The following PCLO variants were observed in gnomAD, a reference collection of about 807,000 sequenced individuals.
PCLO encodes the protein piccolo presynaptic cytomatrix protein.
Under a neutral mutation model 427.5 loss-of-function variants are expected in PCLO, and 82 were observed. That is an observed-to-expected ratio of 0.19 (90% CI 0.16 to 0.23). The LOEUF (loss-of-function observed/expected upper bound fraction) is 0.23, where lower values mean the gene tolerates loss of function less well. Among genes scored for constraint, PCLO ranks in the 10% least tolerant of loss-of-function variants. The probability of loss-of-function intolerance (pLI) is 1.00; values close to 1 mark genes in which losing one functional copy is unlikely to be tolerated. For synonymous variants in PCLO, 2,357 were observed against 2,155.4 expected (o/e 1.09, Z -2.59); for missense variants, 6,239 against 6,115.9 (o/e 1.02, Z -0.67).
chr7:83,096,695 A>G (rs1399762052), intron 3 of PCLO, among the ~76,000 whole-genome samples: 2 of 140,016 alleles, frequency 1.4e-5, no homozygotes, highest in African/African-American at 5.3e-5. Flanking sequence ...CAAATAAAGT[A>G]AACCAGCAAG....
Position 82,898,256 on chromosome 7 carries a change from C to T in PCLO, c.13528+4395G>A, listed in dbSNP as rs543707288. Among the ~76,000 whole-genome samples, 5 of 151,548 alleles carry T rather than the reference C, an allele frequency of 3.3e-5. No homozygotes were observed. In the East Asian group the frequency reaches 9.7e-4, roughly 29 times the overall value. ...AAAGGCAAATTCTGCCCTTGCATTA[C>T]TATTAAAATAGTCTTGGCTTTGTGG... On this transcript the variant is annotated intron_variant, in intron 9 of 24. Transcript: ENST00000333891.
At chr7:83,045,666 T>C (rs1249514420) in intron 3 of PCLO, among the ~76,000 whole-genome samples, 1 of 152,120 alleles carries the variant, frequency 6.6e-6, no homozygotes. Context: ...TATTGTTTAA[T>C]AATTTTTCCT....
intron 22 of PCLO, among the ~76,000 whole-genome samples, chr7:82,792,033 G>A (rs1159614390): frequency 6.6e-6 from 1 of 151,796 alleles, no homozygotes. Flanking sequence ...TTTTCCTCCA[G>A]AGATTTTGTA....
At chr7:83,133,168 A>T (rs938401803) in intron 3 of PCLO, among the ~76,000 whole-genome samples, 10 of 152,148 alleles carry the variant, frequency 6.6e-5, no homozygotes, top group Non-Finnish European at 1.3e-4. Context: ...TTTATTTTTT[A>T]AAAAAATATT....
At chr7:82,808,068 T>C (rs1791492047) in intron 20 of PCLO, among the ~76,000 whole-genome samples, 1 of 151,952 alleles carries the variant, frequency 6.6e-6, no homozygotes, top group South Asian at 2.1e-4. Flanking sequence ...ATAACCTACA[T>C]AATGAGTCAG....
At chr7:82,866,340 T>C (rs1793092067) in intron 10 of PCLO, among the ~76,000 whole-genome samples, 1 of 152,096 alleles carries the variant, frequency 6.6e-6, no homozygotes, top group Admixed American at 6.6e-5. Context: ...ACTTAATATA[T>C]TATATGAGAT....
chr7:83,012,724 A>G (rs1436655214), intron 3 of PCLO, among the ~76,000 whole-genome samples: 1 of 152,026 alleles, frequency 6.6e-6, no homozygotes, highest in Non-Finnish European at 1.5e-5. Context: ...TAAACAAAAC[A>G]GAACACCTTG....
chr7:82,911,077 T>C (rs1370969275), intron 7 of PCLO, among the ~76,000 whole-genome samples: 1 of 152,126 alleles, frequency 6.6e-6, no homozygotes, highest in Non-Finnish European at 1.5e-5. Flanking sequence ...GAAATGTGTG[T>C]TTTGTTTGGC....
intron 3 of PCLO, among the ~76,000 whole-genome samples, chr7:83,069,679 A>AC (rs1789757320): frequency 6.6e-6 from 1 of 152,036 alleles, no homozygotes; most frequent in South Asian, 2.1e-4. Flanking sequence ...AGGACATAGT[A>AC]AGTTTTTAAT....
chr7:83,026,551 C>G (rs1242424894), intron 3 of PCLO, among the ~76,000 whole-genome samples: 3 of 151,212 alleles, frequency 2.0e-5, no homozygotes, highest in Non-Finnish European at 3.0e-5. Context: ...ATCAACGAGA[C>G]AGAAAGTCAA....
chr7:82,909,143 C>T (rs946597702), intron 7 of PCLO, 130 bp from the exon 8 acceptor site: 1 of 773,398 alleles, frequency 1.3e-6, no homozygotes, highest in Non-Finnish European at 2.0e-6. Flanking sequence ...CACATCTCCC[C>T]TTGGGACTAG....
chr7:83,124,999 G>C (rs1252689770), intron 3 of PCLO, among the ~76,000 whole-genome samples: 1 of 152,126 alleles, frequency 6.6e-6, no homozygotes, highest in Admixed American at 6.5e-5. Context: ...CGAGTGATCT[G>C]CCCGCCTTGG....
chr7:83,096,420 A>G lies in PCLO; in HGVS notation c.3300+37830T>C, dbSNP rs888903001. ...ACTAGTTAAATTACTTGTACAAGTT[A>G]TTTAAGTCTTCTAACTCAGTGACTT... On this transcript the variant is annotated intron_variant, in intron 3 of 24. Coordinates refer to ENST00000333891, the MANE Select transcript of PCLO (RefSeq NM_033026.6). Among the ~76,000 whole-genome samples, 5 of 152,232 alleles carry G rather than the reference A, an allele frequency of 3.3e-5. No individual in the cohort carries two copies. The East Asian group carries it at 7.7e-4, about 23-fold the overall frequency.
rs753198212 is a variant in PCLO at position 82,956,335 on chromosome 7, C to G, written c.4618G>C (p.Glu1540Gln). Residue 1540 changes from glutamate to glutamine, a missense_variant, in exon 5 of 25, where the codon GAG (glutamate) becomes CAG (glutamine). Glu to Gln is a conservative substitution (Grantham distance 29). Transcript: ENST00000333891. ...CCTTGGCTGTCTTCCTGTTTATACT[C>G]ATCACTGCTTGATGAGCCAACACTA... ...RTSVGSSSSDEYKQEDSQGSG... is the reference protein window; with the variant it reads ...RTSVGSSSSDQYKQEDSQGSG... 1.2e-5 allele frequency: 20 copies of G among 1,613,162 alleles called. No homozygotes were observed. Among genetic ancestry groups the G allele is most frequent in the Admixed American group, 1.7e-5 (1 of 60,022 alleles).
Position 82,822,623 on chromosome 7 carries a change from CCTT to C in PCLO, c.14660_14662del (p.Glu4887del). The C allele has an allele frequency of 6.2e-7, 1 of 1,613,664 alleles. No homozygotes were observed. Among genetic ancestry groups the C allele is most frequent in the South Asian group, 1.1e-5 (1 of 91,080 alleles). On this transcript the variant is annotated inframe_deletion, in exon 20 of 25. Transcript: ENST00000333891. ...AGATGGTCCATGAGAACGGAGATGG[CCTT>C]CTGATGATGATTTTGAGCTACCAGG...
At chr7:82,837,860 C>G (rs1173445251) in intron 15 of PCLO, among the ~76,000 whole-genome samples, 1 of 151,890 alleles carries the variant, frequency 6.6e-6, no homozygotes, top group Non-Finnish European at 1.5e-5. Flanking sequence ...ATATTGATTT[C>G]TCAGATAAAT....
chr7:82,786,818 CT>C (rs1395434002), intron 22 of PCLO, among the ~76,000 whole-genome samples: 6 of 152,126 alleles, frequency 3.9e-5, no homozygotes, highest in Admixed American at 3.9e-4. Flanking sequence ...TCATCTCCCA[CT>C]TATGAGTGAG....
chr7:83,162,295 A>G, intron 1 of PCLO, 50 bp downstream of exon 1: 1 of 1,526,834 alleles, frequency 6.5e-7, no homozygotes. Context: ...ACATATGTGC[A>G]CGGGAAGCTG....
chr7:82,983,267 A>T (rs1411255938), intron 3 of PCLO, among the ~76,000 whole-genome samples: 2 of 151,010 alleles, frequency 1.3e-5, no homozygotes, highest in Non-Finnish European at 3.0e-5. Flanking sequence ...CTATTTTTTA[A>T]TTTTTTTGGT....
Sources: allele counts gnomAD v4.1 joint callset (sites outside exome capture counted in the v4.1 genomes callset), GRCh38; gene constraint gnomAD v4.1.1; transcripts MANE v1.5; gene names NCBI Gene and HGNC (gene_info 2026-07-23, HGNC 2026-07-21).